KBTBD2: variants seen among roughly 807,000 people sequenced by gnomAD.
KBTBD2 encodes the protein kelch repeat and BTB domain containing 2.
KBTBD2 carries 17 observed loss-of-function variants against 57.1 expected under a neutral mutation model. That is an observed-to-expected ratio of 0.30 (90% CI 0.20 to 0.45). The LOEUF (loss-of-function observed/expected upper bound fraction) is 0.45. Ranked by LOEUF, KBTBD2 falls within the 20% of genes least tolerant of loss-of-function variation. The pLI is 1.00. For synonymous variants in KBTBD2, 267 were observed against 262.7 expected, an observed-to-expected ratio of 1.02 and a Z score of -0.16; for missense variants, 515 against 750.6, an observed-to-expected ratio of 0.69 and a Z score of 3.67.
intron 1 of KBTBD2, among the ~76,000 whole-genome samples, chr7:32,885,342 C>A (rs890298300): frequency 6.6e-6 from 1 of 151,762 alleles, no homozygotes; most frequent in African/African-American, 2.4e-5. Flanking sequence ...TATATATATT[C>A]CACTTTTCTT....
intron 3 of KBTBD2, among the ~76,000 whole-genome samples, chr7:32,872,520 A>G (rs1239663830): frequency 6.6e-6 from 1 of 152,118 alleles, no homozygotes; most frequent in Non-Finnish European, 1.5e-5. Context: ...CTACAAAAAA[A>G]TCAAATAATT....
intron 3 of KBTBD2, among the ~76,000 whole-genome samples, chr7:32,873,776 T>C (rs1339687968): frequency 2.0e-5 from 3 of 152,194 alleles, no homozygotes; most frequent in South Asian, 4.1e-4. Flanking sequence ...TTCTCAGGTA[T>C]ATTAGGTAGT....
At chr7:32,891,216 G>A (rs1394645881) in intron 1 of KBTBD2, 1 of 150,544 alleles carries the variant, frequency 6.6e-6, no homozygotes, top group Non-Finnish European at 1.5e-5. Flanking sequence ...CCGCCCGGGA[G>A]CCCCGCGGGC....
At chr7:32,889,929 TCAA>T (rs954972767) in intron 1 of KBTBD2, among the ~76,000 whole-genome samples, 1 of 152,216 alleles carries the variant, frequency 6.6e-6, no homozygotes, top group Non-Finnish European at 1.5e-5. Context: ...AATGAAAAGC[TCAA>T]CATTTCTACC....
At chr7:32,874,254 G>T (rs2127950213) in intron 3 of KBTBD2, among the ~76,000 whole-genome samples, 1 of 151,986 alleles carries the variant, frequency 6.6e-6, no homozygotes, top group South Asian at 2.1e-4. Context: ...CAAAAAATTA[G>T]CCGGGGGTGG....
At chr7:32,886,606 G>A (rs1418154297) in intron 1 of KBTBD2, among the ~76,000 whole-genome samples, 1 of 152,132 alleles carries the variant, frequency 6.6e-6, no homozygotes, top group Admixed American at 6.5e-5. Flanking sequence ...GGGGACCTAG[G>A]AACTAATCTC....
chr7:32,886,780 CAAAGT>C (rs1407847967), intron 1 of KBTBD2, among the ~76,000 whole-genome samples: 1 of 152,098 alleles, frequency 6.6e-6, no homozygotes, highest in Non-Finnish European at 1.5e-5. Flanking sequence ...AGAAAATTTA[CAAAGT>C]AAATACTACT....
chr7:32,879,163 T>A (rs1410189515), intron 2 of KBTBD2, among the ~76,000 whole-genome samples: 2 of 152,128 alleles, frequency 1.3e-5, no homozygotes, highest in African/African-American at 2.4e-5. Flanking sequence ...CATTTTTCTT[T>A]CTCTTTTAAT....
chr7:32,879,314 G>C, intron 2 of KBTBD2, 121 bp downstream of exon 2: 1 of 656,380 alleles, frequency 1.5e-6, no homozygotes, highest in Non-Finnish European at 2.6e-6. Flanking sequence ...GATTTGCCAA[G>C]TACTACATCA....
chr7:32,869,514 G>GATAGC lies in KBTBD2; in HGVS notation c.1702_1703insGCTAT (p.Ser568CysfsTer68). 1 of 1,614,178 alleles carries GATAGC rather than the reference G, an allele frequency of 6.2e-7. No homozygotes were observed. Among genetic ancestry groups the GATAGC allele is most frequent in the South Asian group, 1.1e-5 (1 of 91,084 alleles). ...CCCCAAGTCCCACAGTACACGTTCA[G>GATAGC]ATATATGCTGCCGCAGAGACCACCG... is the stretch of plus-strand genomic sequence containing the variant. On this transcript the variant is annotated frameshift_variant, in exon 4 of 4. Coordinates refer to ENST00000304056, the MANE Select transcript of KBTBD2 (RefSeq NM_015483.3). LOFTEE classifies it high-confidence loss of function.
chr7:32,882,337 A>G (rs1228197170), intron 1 of KBTBD2, among the ~76,000 whole-genome samples: 1 of 152,174 alleles, frequency 6.6e-6, no homozygotes, highest in Admixed American at 6.5e-5. Flanking sequence ...AGACCCCAGA[A>G]TTTCTTGCAG....
intron 1 of KBTBD2, among the ~76,000 whole-genome samples, chr7:32,883,066 A>T (rs1784482841): frequency 6.6e-6 from 1 of 152,024 alleles, no homozygotes; most frequent in African/African-American, 2.4e-5. Context: ...TTCAAAAGGT[A>T]TTAACTAAAA....
At chr7:32,883,273 G>T (rs1422165624) in intron 1 of KBTBD2, among the ~76,000 whole-genome samples, 1 of 152,144 alleles carries the variant, frequency 6.6e-6, no homozygotes, top group East Asian at 1.9e-4. Flanking sequence ...AGCTACTCTG[G>T]AGGCTGAGGC....
In KBTBD2 at chr7:32,886,861, G is replaced by A. The variant is rs148901605; in HGVS notation, c.-339+4675C>T. Among the ~76,000 whole-genome samples, 88 of 152,076 alleles carry A rather than the reference G, an allele frequency of 5.8e-4. 1 individual carries two copies. The highest frequency in any genetic ancestry group is 2.0e-3 in the African/African-American group (82 of 41,480). On this transcript the variant is annotated intron_variant, in intron 1 of 3. Transcript: ENST00000304056. ...ACAGATTCTGATTATTAACATTAAA[G>A]GATAAGGAACCAAGATTAAAAGTAT...
intron 1 of KBTBD2, among the ~76,000 whole-genome samples, chr7:32,888,295 A>C (rs1445492450): frequency 2.0e-5 from 3 of 152,142 alleles, no homozygotes; most frequent in Non-Finnish European, 4.4e-5. Flanking sequence ...AATCTTGAGG[A>C]GGCTGATGTC....
intron 2 of KBTBD2, among the ~76,000 whole-genome samples, chr7:32,875,871 G>T (rs1299075051): frequency 6.6e-6 from 1 of 152,134 alleles, no homozygotes; most frequent in Non-Finnish European, 1.5e-5. Flanking sequence ...TAGATTAGTA[G>T]TTCCTTAGAA....
In KBTBD2 at chr7:32,874,991, C is replaced by A; in HGVS notation, c.336+1G>T. On this transcript the variant is annotated splice_donor_variant, in intron 3 of 3. Coordinates refer to ENST00000304056, the MANE Select transcript of KBTBD2 (RefSeq NM_015483.3). LOFTEE classifies it high-confidence loss of function. The stretch of plus-strand genomic sequence containing the variant: ...GTCTAAAAAAATATATATATGCTTA[C>A]CTGTAGGAAGCAAGCTGTTTCATAA... 6.2e-7 allele frequency: 1 copy of A among 1,613,544 alleles called. No homozygotes were observed. The highest frequency in any genetic ancestry group is 8.5e-7 in the Non-Finnish European group (1 of 1,179,568).
In KBTBD2 at chr7:32,869,396, C is replaced by T. The variant is rs1283421586; in HGVS notation, c.1821G>A (p.Gly607=). 5.6e-6 allele frequency: 9 copies of T among 1,613,856 alleles called. No individual in the cohort carries two copies. The Middle Eastern group carries it at 4.9e-4, about 88-fold the overall frequency. Reference sequence around the variant, plus strand: ...CTCCATCCAGTTCAAACTCTTCTGTCCCATCCGTTGAAAAAAGATAAGTTG... The same window carrying T: ...CTCCATCCAGTTCAAACTCTTCTGTTCCATCCGTTGAAAAAAGATAAGTTG... ...KPPTYLFSTD[G]TEEFELDGEM... is the part of the protein sequence containing the mutation. Residue 607 remains glycine (G), a synonymous_variant, in exon 4 of 4, where the codon GGG becomes GGA. Coordinates refer to ENST00000304056, the MANE Select transcript of KBTBD2 (RefSeq NM_015483.3).
At chr7:32,886,162 G>T (rs1054672344) in intron 1 of KBTBD2, among the ~76,000 whole-genome samples, 32 of 151,846 alleles carry the variant, frequency 2.1e-4, no homozygotes, top group African/African-American at 7.7e-4. Flanking sequence ...TGCCTGCCTC[G>T]GCCTCCCAAA....
Sources: allele counts gnomAD v4.1 joint callset (sites outside exome capture counted in the v4.1 genomes callset), GRCh38; gene constraint gnomAD v4.1.1; transcripts MANE v1.5; gene names NCBI Gene and HGNC (gene_info 2026-07-23, HGNC 2026-07-21).